The following KIAA1210 variants were observed in gnomAD, a reference collection of about 807,000 sequenced individuals.
KIAA1210 encodes the protein KIAA1210, also known as acrosomal protein KIAA1210.
In KIAA1210, 48 loss-of-function variants were observed where a neutral mutation model predicts 78.9. The observed-to-expected ratio is 0.61, with a 90% confidence interval of 0.48 to 0.77. KIAA1210 has a LOEUF of 0.77. Among genes scored for constraint, KIAA1210 ranks in the 30% least tolerant of loss-of-function variants. The pLI is 0.00. For missense variants in KIAA1210, 1,108 were observed against 1,100.0 expected (o/e 1.01, Z -0.10); for synonymous variants, 406 against 404.5 (o/e 1.00, Z -0.04).
chrX:119,141,524 T>TGTTCTAAG (rs1373856534), intron 2 of KIAA1210, among the ~76,000 whole-genome samples: 1 of 112,495 alleles, frequency 8.9e-6, no homozygotes, highest in Non-Finnish European at 1.9e-5. Context: ...TGAATTACAT[T>TGTTCTAAG]GTTCTAAGTT....
rs1927213756 is a variant in KIAA1210 at position 119,087,945 on chromosome X, C to T, written c.2757G>A (p.Glu919=). The part of the protein sequence containing the change: ...TSPPWVTPKF[E]ELYQLSAHPE... Reference sequence around the variant, plus strand: ...GATGTGCAGAGAGTTGATACAGTTCCTCAAATTTAGGGGTCACCCATGGCG... The same window carrying T: ...GATGTGCAGAGAGTTGATACAGTTCTTCAAATTTAGGGGTCACCCATGGCG... Residue 919 remains glutamate, a synonymous_variant, in exon 9 of 12, where the codon GAG becomes GAA. Transcript: ENST00000691062. 1 of 1,210,037 alleles carries T rather than the reference C, an allele frequency of 8.3e-7. No individual in the cohort carries two copies. Among genetic ancestry groups the T allele is most frequent in the African/African-American group, 1.7e-5 (1 of 57,194 alleles).
intron 2 of KIAA1210, among the ~76,000 whole-genome samples, chrX:119,142,300 T>G (rs762512092): frequency 1.8e-5 from 2 of 112,421 alleles, no homozygotes; most frequent in Non-Finnish European, 3.8e-5. Context: ...ACTAACTCAC[T>G]GTGTTTGTCC....
chrX:119,119,994 AAG>A (rs1569320565), intron 2 of KIAA1210, among the ~76,000 whole-genome samples: 1 of 64,572 alleles, frequency 1.5e-5, no homozygotes, highest in Non-Finnish European at 4.1e-5. Context: ...AAAAAAAAAA[AAG>A]AAAGAAAGAA....
chrX:119,125,737 T>TATATATATATA (rs1257970746), intron 1 of KIAA1210, among the ~76,000 whole-genome samples: 16 of 9,991 alleles, frequency 1.6e-3, no homozygotes, highest in South Asian at 0.016. Context: ...ATATATATAT[T>TATATATATATA]TTTTTTTTTT....
At chrX:119,098,073 G>T (rs1003022346) in intron 6 of KIAA1210, among the ~76,000 whole-genome samples, 4 of 111,360 alleles carry the variant, frequency 3.6e-5, no homozygotes, top group African/African-American at 6.5e-5. Context: ...GTCTTTTGGG[G>T]CTGGAGGATA....
intron 2 of KIAA1210, among the ~76,000 whole-genome samples, chrX:119,134,254 C>T (rs897584700): frequency 3.3e-4 from 37 of 111,455 alleles, no homozygotes; most frequent in African/African-American, 1.2e-3. Context: ...TGCCTTATTT[C>T]ACTTAACATA....
At position 119,087,627 on chromosome X, in the gene KIAA1210, T is replaced by C. The variant is rs1215340997; in HGVS notation, c.3075A>G (p.Ala1025=). Residue 1025 remains alanine, a synonymous_variant, in exon 9 of 12, where the codon GCA becomes GCG. Transcript: ENST00000691062. ...RPTQSFVKFM[A]QQIFSESSAL... The stretch of plus-strand genomic sequence containing the variant: ...CAGAGCTCTCTGAAAAGATTTGCTG[T>C]GCCATAAATTTCACGAATGACTGGG... 36 of 1,209,555 alleles carry C rather than the reference T, an allele frequency of 3.0e-5. No homozygotes were observed. The Admixed American group carries it at 7.9e-4, about 26-fold the overall frequency.
chrX:119,108,398 C>G lies in KIAA1210; in HGVS notation c.431G>C (p.Gly144Ala). 1 of 1,210,794 alleles carries G rather than the reference C, an allele frequency of 8.3e-7. No homozygotes were observed. Among genetic ancestry groups the G allele is most frequent in the South Asian group, 1.8e-5 (1 of 56,920 alleles). ...VPGVVSGAMS[G>A]AVLQNVPTSA... ...TGTAGGCACATTTTGAAGCACAGCT[C>G]CTGACATGGCTCCAGACACAACTCC... is the stretch of plus-strand genomic sequence containing the variant. The change falls in exon 5 of 12, where the codon GGA becomes GCA. Residue 144 changes from glycine (G) to alanine (A), a missense_variant. Gly to Ala is a moderately conservative substitution (Grantham distance 60). This residue lies in a region of KIAA1210 where 672 missense variants were observed against 607.1 expected (regional missense o/e 1.11). Coordinates refer to ENST00000691062, the MANE Select transcript of KIAA1210 (RefSeq NM_001394962.1).
chrX:119,138,051 G>C (rs1315341746), intron 2 of KIAA1210, among the ~76,000 whole-genome samples: 1 of 110,450 alleles, frequency 9.1e-6, no homozygotes, highest in Non-Finnish European at 1.9e-5. Flanking sequence ...AAACTGAAGG[G>C]GAACAACATA....
chrX:119,124,010 G>GT (rs1325447272), intron 1 of KIAA1210, among the ~76,000 whole-genome samples: 1 of 110,784 alleles, frequency 9.0e-6, no homozygotes, highest in Non-Finnish European at 1.9e-5. Context: ...TTTGTTTTTT[G>GT]TTTTTTTACA....
At chrX:119,109,679 T>C (rs187134207) in intron 3 of KIAA1210, among the ~76,000 whole-genome samples, 22 of 112,083 alleles carry the variant, frequency 2.0e-4, no homozygotes, top group African/African-American at 6.8e-4. Context: ...AGTTTTGTTA[T>C]TATTACAGTG....
In KIAA1210 at chrX:119,119,767, G is replaced by C. The variant is rs1928387660; in HGVS notation, c.62-3103C>G. Among the ~76,000 whole-genome samples the C allele has an allele frequency of 2.7e-5, 3 of 110,696 alleles. No individual in the cohort carries two copies. The South Asian group carries it at 1.1e-3, about 42-fold the overall frequency. ...CGAGGCGGGCGGATCACGAGGTCAG[G>C]AGGTGGAGACCATTCTGGCTAACAC... On this transcript the variant is annotated intron_variant, in intron 2 of 11. Coordinates refer to ENST00000691062, the MANE Select transcript of KIAA1210 (RefSeq NM_001394962.1).
At position 119,116,524 on chromosome X, in the gene KIAA1210, C is replaced by T. The variant is rs201254782; in HGVS notation, c.202G>A (p.Val68Ile). 2,578 of 1,209,722 alleles carry T rather than the reference C, an allele frequency of 2.1e-3. 3 individuals are homozygous for T. The highest frequency in any genetic ancestry group is 2.7e-3 in the Non-Finnish European group (2,373 of 894,948). ...SNINISSLQP[V>I]RENQPTKARA... ...GCCTTAGTTGGTTGATTTTCCCGAA[C>T]GGGCTGCAGAGAAGAGATGTTAATG... The change falls in exon 3 of 12, where the codon GTT (valine) becomes ATT (isoleucine). Residue 68 changes from valine (V) to isoleucine (I), a missense_variant. Val to Ile is a conservative substitution (Grantham distance 29, BLOSUM62 3). Around this residue, in one of 5 missense-constraint regions of KIAA1210, gnomAD observed 672 missense variants for 607.1 expected, o/e 1.11. Coordinates refer to ENST00000691062, the MANE Select transcript of KIAA1210 (RefSeq NM_001394962.1).
At chrX:119,121,252 G>A (rs1431176559) in intron 2 of KIAA1210, among the ~76,000 whole-genome samples, 1 of 111,921 alleles carries the variant, frequency 8.9e-6, no homozygotes, top group African/African-American at 3.2e-5. Flanking sequence ...TCCACAGGCT[G>A]TTTTTCAAAA....
chrX:119,108,249 C>G (rs773219403), intron 5 of KIAA1210, 88 bp downstream of exon 5: 39 of 940,063 alleles, frequency 4.1e-5, no homozygotes, highest in Admixed American at 4.0e-4. Flanking sequence ...AGGGGTCACA[C>G]AGCCAGTAAG....
chrX:119,098,060 C>T (rs769093940), intron 6 of KIAA1210, among the ~76,000 whole-genome samples: 4 of 111,598 alleles, frequency 3.6e-5, no homozygotes, highest in African/African-American at 1.3e-4. Context: ...TGTCATAGTT[C>T]TGGTCTTTTG....
upstream of KIAA1210, among the ~76,000 whole-genome samples, chrX:119,129,706 C>T (rs1928743379): frequency 9.0e-6 from 1 of 111,413 alleles, no homozygotes; most frequent in Non-Finnish European, 1.9e-5. Context: ...TACACAGATC[C>T]CATTCCTAGA....
At chrX:119,126,474 T>G (rs1218038812) in intron 1 of KIAA1210, among the ~76,000 whole-genome samples, 1 of 112,422 alleles carries the variant, frequency 8.9e-6, no homozygotes, top group Non-Finnish European at 1.9e-5. Flanking sequence ...ATTGATATTT[T>G]AAGTCACTCA....
intron 11 of KIAA1210, 58 bp downstream of exon 11, chrX:119,082,957 A>C (rs774049592): frequency 3.3e-5 from 28 of 853,057 alleles, no homozygotes; most frequent in Non-Finnish European, 4.3e-5. Flanking sequence ...GAAATTGCAA[A>C]AGTTTTACAA....
Sources: gnomAD v4.1 joint callset for allele counts (sites outside exome capture counted in the v4.1 genomes callset) on GRCh38, gnomAD v4.1.1 for gene constraint, gnomAD v4.1.1 regional missense constraint, MANE v1.5 for transcripts, NCBI Gene and HGNC (gene_info 2026-07-23, HGNC 2026-07-21) for gene names.